Variants in NRG3 observed in about 807,000 individuals in gnomAD.
NRG3 encodes neuregulin 3.
NRG3 carries 31 observed loss-of-function variants against 66.9 expected under a neutral mutation model. The ratio of observed to expected loss-of-function variants is 0.46; its 90% CI spans 0.35 to 0.63. NRG3 has a LOEUF of 0.63. NRG3 is among the 20% of genes least tolerant of loss of function. NRG3 has a pLI of 0.00. For missense variants in NRG3, 910 were observed against 878.9 expected (o/e 1.04, Z -0.45); for synonymous variants, 393 against 359.4 (o/e 1.09, Z -1.06).
chr10:82,304,983 C>CTTTTTTT (rs760661674), intron 1 of NRG3, among the ~76,000 whole-genome samples: 3 of 73,866 alleles, frequency 4.1e-5, no homozygotes, highest in African/African-American at 6.4e-5. Flanking sequence ...TCAGATTCCT[C>CTTTTTTT]TTTTTTTTTT....
chr10:82,893,353 A>T (rs1028738826), intron 4 of NRG3, among the ~76,000 whole-genome samples: 7 of 152,230 alleles, frequency 4.6e-5, no homozygotes, highest in African/African-American at 1.7e-4. Flanking sequence ...GTTAATTCTT[A>T]GAACTAGAAG....
chr10:82,050,270 T>A (rs1202226664), intron 1 of NRG3, among the ~76,000 whole-genome samples: 2 of 152,072 alleles, frequency 1.3e-5, no homozygotes, highest in African/African-American at 2.4e-5. Context: ...AATTATAGAT[T>A]GGTGCAAAAG....
At chr10:82,206,026 A>C (rs2075099027) in intron 1 of NRG3, among the ~76,000 whole-genome samples, 1 of 152,128 alleles carries the variant, frequency 6.6e-6, no homozygotes, top group Admixed American at 6.5e-5. Flanking sequence ...TATAGGCCTT[A>C]CTCAATGATG....
At chr10:82,838,007 C>A (rs181021642) in intron 3 of NRG3, among the ~76,000 whole-genome samples, 1 of 152,200 alleles carries the variant, frequency 6.6e-6, no homozygotes, top group East Asian at 1.9e-4. Flanking sequence ...ATGTTATCAT[C>A]CAGGAGGAGC....
chr10:82,570,826 TA>T (rs1346559527), intron 2 of NRG3, among the ~76,000 whole-genome samples: 2 of 151,700 alleles, frequency 1.3e-5, no homozygotes, highest in Non-Finnish European at 3.0e-5. Context: ...AACCTTTCAG[TA>T]TTTTCTGTTC....
At chr10:82,168,627 G>A (rs2072299593) in intron 1 of NRG3, among the ~76,000 whole-genome samples, 1 of 152,030 alleles carries the variant, frequency 6.6e-6, no homozygotes, top group African/African-American at 2.4e-5. Flanking sequence ...CTCAGTCCTG[G>A]GGATTTCTGA....
chr10:82,031,956 A>G (rs2062589276), intron 1 of NRG3, among the ~76,000 whole-genome samples: 1 of 152,028 alleles, frequency 6.6e-6, no homozygotes, highest in Non-Finnish European at 1.5e-5. Context: ...CCACCCCTTC[A>G]CACCACCTTC....
intron 1 of NRG3, among the ~76,000 whole-genome samples, chr10:81,979,116 G>T (rs996171480): frequency 6.6e-6 from 1 of 151,084 alleles, no homozygotes; most frequent in African/African-American, 2.4e-5. Flanking sequence ...TTGAACCTGG[G>T]AGGCAGAGGT....
At chr10:82,563,297 A>G (rs2045177511) in intron 2 of NRG3, among the ~76,000 whole-genome samples, 1 of 152,156 alleles carries the variant, frequency 6.6e-6, no homozygotes, top group Admixed American at 6.6e-5. Context: ...TGCGTGCTTA[A>G]CAGTGGAATA....
At chr10:82,694,011 A>G (rs1190118220) in intron 2 of NRG3, among the ~76,000 whole-genome samples, 1 of 151,988 alleles carries the variant, frequency 6.6e-6, no homozygotes, top group Non-Finnish European at 1.5e-5. Flanking sequence ...AGTGCTGATT[A>G]GTCCATTTTA....
chr10:82,005,274 C>A (rs1316942150), intron 1 of NRG3, among the ~76,000 whole-genome samples: 2 of 152,182 alleles, frequency 1.3e-5, no homozygotes, highest in Admixed American at 6.5e-5. Context: ...AGCTACATTT[C>A]TCTGCAAATA....
At chr10:82,180,875 G>C (rs1042478987) in intron 1 of NRG3, among the ~76,000 whole-genome samples, 6 of 151,806 alleles carry the variant, frequency 4.0e-5, no homozygotes, top group Non-Finnish European at 7.4e-5. Context: ...CATTGGTCCT[G>C]AGTTTTTCCT....
chr10:82,078,118 A>T (rs11192415), intron 1 of NRG3, among the ~76,000 whole-genome samples: 9,230 of 151,966 alleles, frequency 0.061, 429 homozygotes, highest in East Asian at 0.23. Context: ...GTTGAAAATT[A>T]AAAAAAAATT....
intron 2 of NRG3, among the ~76,000 whole-genome samples, chr10:82,389,107 C>G (rs1042778051): frequency 5.3e-5 from 8 of 152,128 alleles, no homozygotes; most frequent in Admixed American, 2.6e-4. Flanking sequence ...ATTCACCCCC[C>G]TAACCACAAA....
chr10:82,119,817 G>A (rs2067970999), intron 1 of NRG3, among the ~76,000 whole-genome samples: 2 of 152,066 alleles, frequency 1.3e-5, no homozygotes, highest in Admixed American at 1.3e-4. Context: ...ATGTGTTACA[G>A]TATTTCTAAA....
rs890549481 is a variant in NRG3 at position 82,217,417 on chromosome 10, C to T, written c.824-141322C>T. ...CTAGATTCTGAGGCTCCCTCCCAGA[C>T]TTTCTAAATTAGATACTCTGAGGGT... is the stretch of plus-strand genomic sequence containing the variant. On this transcript the variant is annotated intron_variant, in intron 1 of 8. Coordinates refer to ENST00000372141, the MANE Select transcript of NRG3 (RefSeq NM_001010848.4). 2.0e-5 allele frequency among the ~76,000 whole-genome samples: 3 copies of T among 152,174 alleles called. No individual in the cohort carries two copies. In the South Asian group the frequency reaches 6.2e-4, roughly 31 times the overall value.
chr10:82,699,289 CAGGG>C (rs1057365220), intron 2 of NRG3, among the ~76,000 whole-genome samples: 14 of 137,712 alleles, frequency 1.0e-4, no homozygotes, highest in Admixed American at 8.3e-4. Flanking sequence ...GCAAGGGAGG[CAGGG>C]AGGGAGGGAG....
chr10:82,149,072 TTG>T (rs2070489005), intron 1 of NRG3, among the ~76,000 whole-genome samples: 1 of 54,912 alleles, frequency 1.8e-5, no homozygotes, highest in Non-Finnish European at 4.2e-5. Flanking sequence ...GTTTTTGTTT[TTG>T]TTTTTTTTTT....
At chr10:82,791,005 A>G (rs2060566555) in intron 3 of NRG3, among the ~76,000 whole-genome samples, 1 of 151,824 alleles carries the variant, frequency 6.6e-6, no homozygotes, top group Non-Finnish European at 1.5e-5. Flanking sequence ...TTTAGATATG[A>G]AGTCCTGTAG....
Sources: gnomAD v4.1 joint callset for allele counts (sites outside exome capture counted in the v4.1 genomes callset) on GRCh38, gnomAD v4.1.1 for gene constraint, MANE v1.5 for transcripts, NCBI Gene and HGNC (gene_info 2026-07-23, HGNC 2026-07-21) for gene names.